The following CNTNAP2 variants were observed in gnomAD, a reference collection of about 807,000 sequenced individuals.
The protein encoded by CNTNAP2 is contactin-associated protein-like 2.
A neutral mutation model predicts 155.2 loss-of-function variants in CNTNAP2; 98 were observed. The ratio of observed to expected loss-of-function variants is 0.63; its 90% CI spans 0.54 to 0.75. The LOEUF is 0.75. CNTNAP2 is among the 30% of genes least tolerant of loss of function. The probability of loss-of-function intolerance (pLI) is 0.00; values close to 1 mark genes in which losing one functional copy is unlikely to be tolerated. For missense variants in CNTNAP2, 1,727 were observed against 1,688.1 expected, an observed-to-expected ratio of 1.02 and a Z score of -0.40; for synonymous variants, 651 against 631.2, an observed-to-expected ratio of 1.03 and a Z score of -0.47.
chr7:147,507,908 T>C lies in CNTNAP2; in HGVS notation c.1777+21867T>C, dbSNP rs919133641. 2.6e-5 allele frequency among the ~76,000 whole-genome samples: 4 copies of C among 152,136 alleles called. No homozygotes were observed. The South Asian group carries it at 6.2e-4, about 24-fold the overall frequency. On this transcript the variant is annotated intron_variant, in intron 11 of 23. Coordinates refer to ENST00000361727, the MANE Select transcript of CNTNAP2 (RefSeq NM_014141.6). ...TTTCTGTAACTCAGCAGCTCTTCAT[T>C]TGGGTTCAGTGTAGTTCAAGCCTCT... is the stretch of plus-strand genomic sequence containing the variant.
intron 21 of CNTNAP2, among the ~76,000 whole-genome samples, chr7:148,373,118 C>T (rs1204990723): frequency 6.6e-6 from 1 of 152,054 alleles, no homozygotes; most frequent in Non-Finnish European, 1.5e-5. Context: ...TCCTGAAGGA[C>T]CTGCCTGAGG....
chr7:147,370,298 T>C (rs1250546534), intron 9 of CNTNAP2, among the ~76,000 whole-genome samples: 1 of 152,212 alleles, frequency 6.6e-6, no homozygotes, highest in African/African-American at 2.4e-5. Flanking sequence ...TGATAAATTC[T>C]TAGTCATCTT....
At position 147,295,587 on chromosome 7, in the gene CNTNAP2, C is replaced by T. The variant is rs143945061; in HGVS notation, c.1349-4554C>T. 5.3e-5 allele frequency among the ~76,000 whole-genome samples: 8 copies of T among 152,216 alleles called. No homozygotes were observed. In the East Asian group the frequency reaches 1.5e-3, roughly 29 times the overall value. On this transcript the variant is annotated intron_variant, in intron 8 of 23. Transcript: ENST00000361727. ...AGCACATAGAGCTTAGAACTTTATA[C>T]TATATATGCTGACATATAAAAAGAT...
chr7:146,680,197 G>T lies in CNTNAP2; in HGVS notation c.98-94074G>T, dbSNP rs573405026. Among the ~76,000 whole-genome samples, 4 of 152,122 alleles carry T rather than the reference G, an allele frequency of 2.6e-5. No homozygotes were observed. In the East Asian group the frequency reaches 7.7e-4, roughly 29 times the overall value. ...CAATGAATTAGGTGATTTTGTCAAG[G>T]GCAGTTCGTTTGTGAGCAATAGAAT... is the stretch of plus-strand genomic sequence containing the variant. On this transcript the variant is annotated intron_variant, in intron 1 of 23. Transcript: ENST00000361727.
At chr7:147,125,062 A>G (rs1801205965) in intron 6 of CNTNAP2, among the ~76,000 whole-genome samples, 1 of 151,508 alleles carries the variant, frequency 6.6e-6, no homozygotes, top group Admixed American at 6.6e-5. Context: ...TTGTATTTTT[A>G]GTAGAGATGG....
intron 13 of CNTNAP2, chr7:147,897,095 T>A (rs1254676841): frequency 6.6e-6 from 1 of 152,234 alleles, no homozygotes; most frequent in Non-Finnish European, 1.5e-5. Context: ...ACCAGCTGTC[T>A]CTCTTCTTTT....
intron 3 of CNTNAP2, among the ~76,000 whole-genome samples, chr7:146,967,265 G>A (rs960923705): frequency 6.6e-6 from 1 of 152,016 alleles, no homozygotes; most frequent in African/African-American, 2.4e-5. Context: ...TACATATTAT[G>A]TTCATATGCA....
chr7:148,391,487 T>G (rs1302785746), intron 22 of CNTNAP2, among the ~76,000 whole-genome samples: 1 of 152,240 alleles, frequency 6.6e-6, no homozygotes, highest in Non-Finnish European at 1.5e-5. Context: ...ACATCCAATC[T>G]TTTTTTCTTC....
chr7:146,723,001 C>A (rs955996452), intron 1 of CNTNAP2, among the ~76,000 whole-genome samples: 1 of 152,004 alleles, frequency 6.6e-6, no homozygotes, highest in Non-Finnish European at 1.5e-5. Context: ...GGTGACATAA[C>A]AAGACTCCAT....
intron 10 of CNTNAP2, among the ~76,000 whole-genome samples, chr7:147,443,098 G>A (rs571256835): frequency 5.9e-5 from 9 of 152,192 alleles, no homozygotes; most frequent in African/African-American, 1.7e-4. Flanking sequence ...TAGGAGTTGC[G>A]GTCTTCATGG....
intron 13 of CNTNAP2, among the ~76,000 whole-genome samples, chr7:147,838,386 C>T (rs140952290): frequency 0.011 from 1,675 of 152,104 alleles, 92 homozygotes; most frequent in Admixed American, 0.09. Context: ...TTGAATATCT[C>T]CTCAGAAAAT....
At chr7:148,386,516 A>G (rs1799199795) in intron 22 of CNTNAP2, among the ~76,000 whole-genome samples, 1 of 136,252 alleles carries the variant, frequency 7.3e-6, no homozygotes, top group African/African-American at 3.0e-5. Context: ...AAAACAAAAC[A>G]AAAAAACAAC....
intron 1 of CNTNAP2, among the ~76,000 whole-genome samples, chr7:146,756,531 A>G (rs1801998561): frequency 6.6e-6 from 1 of 152,036 alleles, no homozygotes; most frequent in Admixed American, 6.6e-5. Context: ...TAAGCAAAAG[A>G]TGTTTATTAT....
chr7:146,736,706 G>A (rs1206486578), intron 1 of CNTNAP2, among the ~76,000 whole-genome samples: 3 of 152,074 alleles, frequency 2.0e-5, no homozygotes, highest in Non-Finnish European at 4.4e-5. Flanking sequence ...GCGGGTCTAC[G>A]GATGATGCAT....
intron 11 of CNTNAP2, among the ~76,000 whole-genome samples, chr7:147,557,292 T>C (rs1182448127): frequency 6.6e-6 from 1 of 152,040 alleles, no homozygotes; most frequent in African/African-American, 2.4e-5. Context: ...ATTTAGGACT[T>C]GTCACTGTCT....
chr7:146,529,616 A>G (rs1343020413), intron 1 of CNTNAP2, among the ~76,000 whole-genome samples: 4 of 152,120 alleles, frequency 2.6e-5, no homozygotes, highest in Non-Finnish European at 5.9e-5. Flanking sequence ...GGTTTAGAGG[A>G]AAGCAGTGCT....
intron 14 of CNTNAP2, among the ~76,000 whole-genome samples, chr7:147,976,715 C>T (rs1385331841): frequency 1.3e-5 from 2 of 152,148 alleles, no homozygotes; most frequent in Non-Finnish European, 2.9e-5. Context: ...CTGCTCCACA[C>T]TGCATAGCAT....
intron 20 of CNTNAP2, among the ~76,000 whole-genome samples, chr7:148,250,290 A>G (rs1445534393): frequency 6.6e-6 from 1 of 152,150 alleles, no homozygotes; most frequent in Non-Finnish European, 1.5e-5. Context: ...TTGGGCTCTA[A>G]TTTGAGGGAA....
At chr7:147,811,856 C>G (rs1798184292) in intron 13 of CNTNAP2, among the ~76,000 whole-genome samples, 1 of 152,152 alleles carries the variant, frequency 6.6e-6, no homozygotes, top group South Asian at 2.1e-4. Context: ...AGACCATATT[C>G]TCCATGAGCA....
Sources: allele counts gnomAD v4.1 joint callset (sites outside exome capture counted in the v4.1 genomes callset), GRCh38; gene constraint gnomAD v4.1.1; transcripts MANE v1.5; gene names NCBI Gene and HGNC (gene_info 2026-07-23, HGNC 2026-07-21).